The following NEBL variants were observed in gnomAD, a reference collection of about 807,000 sequenced individuals.
The protein encoded by NEBL is nebulette.
NEBL carries 122 observed loss-of-function variants against 140.2 expected under a neutral mutation model. That is an observed-to-expected ratio of 0.87 (90% confidence interval 0.75 to 1.01). The LOEUF is 1.01. Among genes scored for constraint, NEBL ranks in the 50% least tolerant of loss-of-function variants. The pLI is 0.00. For missense variants in NEBL, 1,365 were observed against 1,231.3 expected, an observed-to-expected ratio of 1.11 and a Z score of -1.62; for synonymous variants, 436 against 398.9, an observed-to-expected ratio of 1.09 and a Z score of -1.11.
chr10:21,031,994 C>T (rs943479701), intron 2 of NEBL, among the ~76,000 whole-genome samples: 1 of 152,248 alleles, frequency 6.6e-6, no homozygotes, highest in East Asian at 1.9e-4. Flanking sequence ...AAACTCAAAA[C>T]TCAAAACTCA....
intron 2 of NEBL, among the ~76,000 whole-genome samples, chr10:21,061,279 AT>A (rs1211541827): frequency 1.3e-5 from 2 of 148,896 alleles, no homozygotes; most frequent in African/African-American, 4.9e-5. Context: ...ATTACATATT[AT>A]GTGATATGTA....
At chr10:21,099,640 A>G (rs1837378874) in intron 2 of NEBL, among the ~76,000 whole-genome samples, 1 of 152,220 alleles carries the variant, frequency 6.6e-6, no homozygotes. Context: ...GAAAGATTGT[A>G]ATCTCTCAGA....
At chr10:20,970,141 A>T (rs73607563) in intron 3 of NEBL, among the ~76,000 whole-genome samples, 7,632 of 152,238 alleles carry the variant, frequency 0.05, 342 homozygotes, top group African/African-American at 0.12. Context: ...CTGTGTTCCA[A>T]GCATAGTAAT....
chr10:20,821,734 A>T (rs982169223), intron 19 of NEBL, among the ~76,000 whole-genome samples: 3 of 152,148 alleles, frequency 2.0e-5, no homozygotes, highest in Non-Finnish European at 4.4e-5. Flanking sequence ...TGGTATATGA[A>T]CCACACTTTA....
In NEBL at chr10:20,780,394, A is replaced by G. The variant is rs1156691496; in HGVS notation, c.*5353T>C. 1 of 152,256 alleles carries G rather than the reference A, an allele frequency of 6.6e-6. No individual in the cohort carries two copies. The highest frequency in any genetic ancestry group is 2.4e-5 in the African/African-American group (1 of 41,476). 9.4% of individuals were successfully genotyped at this position (152,256 alleles called of 1,614,324 possible). A position where few individuals can be genotyped will look rare whatever the true frequency, so the allele number is the denominator to read the frequency against. ...TGTTGCGGTACTTTGATATAAAATC[A>G]GAAAGATACTGAGCTTGGAGAAGCA... On this transcript the variant is annotated 3_prime_UTR_variant, in exon 28 of 28. Coordinates refer to ENST00000377122, the MANE Select transcript of NEBL (RefSeq NM_006393.3).
rs763319345 is a variant in NEBL at position 20,968,502 on chromosome 10, C to A, written c.250-6723G>T. 3.3e-5 allele frequency among the ~76,000 whole-genome samples: 5 copies of A among 152,220 alleles called. No individual in the cohort carries two copies. The East Asian group carries it at 9.7e-4, about 29-fold the overall frequency. ...CTCCAGCCTGGGCAACAGAGCAAGA[C>A]CCCATCTCTAAAATAATTAAATACA... On this transcript the variant is annotated intron_variant, in intron 3 of 6. Transcript: ENST00000417816.
rs961118297 is a variant in NEBL at position 21,025,153 on chromosome 10, C to CA, written c.165-4953dup. Among the ~76,000 whole-genome samples the CA allele has an allele frequency of 3.4e-4, 48 of 139,162 alleles. 1 individual carries two copies. The highest frequency in any genetic ancestry group is 1.1e-3 in the South Asian group (5 of 4,426). 91.3% of individuals were successfully genotyped at this position (139,162 alleles called of 152,430 possible). A position where few individuals can be genotyped will look rare whatever the true frequency, so the allele number is the denominator to read the frequency against. On this transcript the variant is annotated intron_variant, in intron 2 of 6. Coordinates refer to the NEBL transcript ENST00000417816. ...TGGATGTTCAAAGAGAATCAGGAAA[C>CA]AAAAAAAAAAGGAGGAATGGATGAA... is the stretch of plus-strand genomic sequence containing the variant.
At chr10:21,276,339 T>C (rs1417807408) in intron 1 of NEBL, among the ~76,000 whole-genome samples, 1 of 152,202 alleles carries the variant, frequency 6.6e-6, no homozygotes, top group Non-Finnish European at 1.5e-5. Context: ...GCTCTGCTGT[T>C]GTGAGGTTAA....
intron 1 of NEBL, among the ~76,000 whole-genome samples, chr10:21,269,180 T>C (rs928572523): frequency 6.6e-6 from 1 of 152,152 alleles, no homozygotes; most frequent in Admixed American, 6.5e-5. Flanking sequence ...TTCCTAAGTG[T>C]CTTGGCCCTC....
intron 2 of NEBL, among the ~76,000 whole-genome samples, chr10:21,072,692 G>A (rs1387937363): frequency 2.0e-5 from 3 of 152,200 alleles, no homozygotes; most frequent in African/African-American, 7.2e-5. Flanking sequence ...CAGACTCAGT[G>A]AGTCAAGAGA....
intron 3 of NEBL, among the ~76,000 whole-genome samples, chr10:21,186,406 G>C (rs891302886): frequency 7.2e-5 from 11 of 152,014 alleles, no homozygotes; most frequent in African/African-American, 2.7e-4. Flanking sequence ...GTGTATACGT[G>C]TGTATACAGT....
rs1835227430 is a variant in NEBL at position 20,784,313 on chromosome 10, T to C, written c.*1434A>G. 7 of 152,008 alleles carry C rather than the reference T, an allele frequency of 4.6e-5. No individual in the cohort carries two copies. The South Asian group carries it at 6.2e-4, about 14-fold the overall frequency. The allele number at this position is 152,008 out of a possible 1,614,324, so 9.4% of individuals were successfully genotyped here. A position where few individuals can be genotyped will look rare whatever the true frequency, so the allele number is the denominator to read the frequency against. On this transcript the variant is annotated 3_prime_UTR_variant, in exon 28 of 28. Coordinates refer to ENST00000377122, the MANE Select transcript of NEBL (RefSeq NM_006393.3). ...GTGCCGCTGGCTTGGTGACCTGGACTGCAGACTCTGGATGAAATTTCAAGA... is the reference window on the plus strand; with the variant it reads ...GTGCCGCTGGCTTGGTGACCTGGACCGCAGACTCTGGATGAAATTTCAAGA...
intron 2 of NEBL, among the ~76,000 whole-genome samples, chr10:21,161,521 C>T (rs1467082290): frequency 1.3e-5 from 2 of 152,184 alleles, no homozygotes; most frequent in Admixed American, 1.3e-4. Flanking sequence ...TAGACCATTC[C>T]TGACCTCAAG....
chr10:20,808,455 G>A, intron 26 of NEBL, 55 bp downstream of exon 26: 1 of 1,565,548 alleles, frequency 6.4e-7, no homozygotes, highest in Non-Finnish European at 8.8e-7. Flanking sequence ...AGACACTCTT[G>A]TGACACACTT....
At chr10:20,809,575 T>C (rs1837927728) in intron 25 of NEBL, among the ~76,000 whole-genome samples, 2 of 152,194 alleles carry the variant, frequency 1.3e-5, no homozygotes, top group Admixed American at 1.3e-4. Flanking sequence ...GCATTCTTAC[T>C]AATAAAAAGC....
intron 5 of NEBL, among the ~76,000 whole-genome samples, chr10:20,879,429 C>T (rs761675665): frequency 1.1e-3 from 162 of 152,212 alleles, no homozygotes; most frequent in Admixed American, 4.6e-4. Flanking sequence ...CATGTAGCCT[C>T]TTCATCTCCT....
At chr10:21,239,566 C>T (rs1842408680) in intron 3 of NEBL, among the ~76,000 whole-genome samples, 2 of 152,068 alleles carry the variant, frequency 1.3e-5, no homozygotes, top group South Asian at 2.1e-4. Context: ...CCCCTAAAAG[C>T]TCTGGGAGGT....
chr10:21,187,508 TTTA>T (rs200818307), intron 3 of NEBL, among the ~76,000 whole-genome samples: 54 of 150,144 alleles, frequency 3.6e-4, no homozygotes, highest in Non-Finnish European at 7.3e-4. Flanking sequence ...ACTATTATTA[TTTA>T]TTATTATTAT....
At chr10:20,958,877 G>A (rs1432951653) in intron 4 of NEBL, among the ~76,000 whole-genome samples, 1 of 152,138 alleles carries the variant, frequency 6.6e-6, no homozygotes, top group Non-Finnish European at 1.5e-5. Flanking sequence ...GAAATTTACG[G>A]TTGTATTTTA....
Sources: gnomAD v4.1 joint callset for allele counts (sites outside exome capture counted in the v4.1 genomes callset) on GRCh38, gnomAD v4.1.1 for gene constraint, MANE v1.5 for transcripts, NCBI Gene and HGNC (gene_info 2026-07-23, HGNC 2026-07-21) for gene names.